Variants in AFAP1 observed in about 807,000 individuals in gnomAD.
AFAP1 encodes actin filament associated protein 1, also known as actin filament-associated protein 1.
AFAP1 carries 75 observed loss-of-function variants against 93.9 expected under a neutral mutation model. That is an observed-to-expected ratio of 0.80 (90% CI 0.66 to 0.97). AFAP1 has a LOEUF of 0.97. Ranked by LOEUF, AFAP1 falls within the 50% of genes least tolerant of loss-of-function variation. AFAP1 has a pLI of 0.00. For missense variants in AFAP1, 1,201 were observed against 1,050.8 expected, an observed-to-expected ratio of 1.14 and a Z score of -1.98; for synonymous variants, 517 against 430.7, an observed-to-expected ratio of 1.20 and a Z score of -2.48.
chr4:7,783,858 T>C (rs1251258048), intron 12 of AFAP1, among the ~76,000 whole-genome samples: 1 of 152,148 alleles, frequency 6.6e-6, no homozygotes, highest in Non-Finnish European at 1.5e-5. Flanking sequence ...AAAAGGCGTG[T>C]GAAAGGGTCT....
chr4:7,795,547 C>T (rs1374261365), intron 10 of AFAP1, among the ~76,000 whole-genome samples: 2 of 149,398 alleles, frequency 1.3e-5, no homozygotes, highest in East Asian at 4.0e-4. Flanking sequence ...GCCTCAGCCT[C>T]CCGAGTAGCT....
intron 8 of AFAP1, among the ~76,000 whole-genome samples, chr4:7,810,663 T>A (rs1048331699): frequency 6.6e-6 from 1 of 152,168 alleles, no homozygotes; most frequent in African/African-American, 2.4e-5. Flanking sequence ...TTTTGAAACA[T>A]AGAACTCATA....
intron 1 of AFAP1, among the ~76,000 whole-genome samples, chr4:7,893,281 G>A (rs542170709): frequency 1.3e-5 from 2 of 152,234 alleles, no homozygotes; most frequent in South Asian, 2.1e-4. Context: ...CACTTTTAAC[G>A]TAAAAAAGCT....
intron 17 of AFAP1, among the ~76,000 whole-genome samples, chr4:7,766,307 C>T (rs963782824): frequency 6.6e-6 from 1 of 152,188 alleles, no homozygotes; most frequent in Non-Finnish European, 1.5e-5. Context: ...GACAGCATCA[C>T]AAGGTCGGCG....
At chr4:7,856,856 A>G (rs1194422165) in intron 3 of AFAP1, among the ~76,000 whole-genome samples, 8 of 152,194 alleles carry the variant, frequency 5.3e-5, no homozygotes, top group Non-Finnish European at 7.3e-5. Flanking sequence ...GCACTGTGCT[A>G]GACACTTCTG....
intron 1 of AFAP1, among the ~76,000 whole-genome samples, chr4:7,875,168 G>C (rs1717414628): frequency 6.6e-6 from 1 of 152,192 alleles, no homozygotes; most frequent in Non-Finnish European, 1.5e-5. Context: ...AAAAGTTTGA[G>C]AGCTGCTCGT....
intron 1 of AFAP1, among the ~76,000 whole-genome samples, chr4:7,928,412 GTCTC>G (rs914085553): frequency 1.3e-5 from 2 of 151,958 alleles, no homozygotes; most frequent in African/African-American, 2.4e-5. Context: ...TTTTGAGACA[GTCTC>G]TCTCTCTGTC....
intron 1 of AFAP1, among the ~76,000 whole-genome samples, chr4:7,916,015 TC>T (rs998717530): frequency 9.9e-6 from 1 of 101,266 alleles, no homozygotes; most frequent in Non-Finnish European, 1.7e-5. Flanking sequence ...CCCGGCCTCC[TC>T]ACTTACGCAA....
intron 13 of AFAP1, among the ~76,000 whole-genome samples, chr4:7,779,725 T>A (rs558514762): frequency 6.6e-6 from 1 of 152,208 alleles, no homozygotes; most frequent in Non-Finnish European, 1.5e-5. Context: ...TGAGCCGCCA[T>A]TTGATCATTT....
chr4:7,855,211 TG>T (rs1252252636), intron 4 of AFAP1, among the ~76,000 whole-genome samples: 1 of 152,224 alleles, frequency 6.6e-6, no homozygotes, highest in African/African-American at 2.4e-5. Context: ...TGCTGATACC[TG>T]TTGCCACAGC....
chr4:7,848,416 C>G (rs1270467446), intron 4 of AFAP1, among the ~76,000 whole-genome samples: 1 of 152,108 alleles, frequency 6.6e-6, no homozygotes, highest in African/African-American at 2.4e-5. Flanking sequence ...TGGTGAAACT[C>G]TCCGTCTGAG....
chr4:7,894,959 G>A (rs954522431), intron 1 of AFAP1, among the ~76,000 whole-genome samples: 2 of 152,326 alleles, frequency 1.3e-5, no homozygotes, highest in East Asian at 1.9e-4. Flanking sequence ...TGGCTCCGCC[G>A]CTATGCATGT....
intron 9 of AFAP1, among the ~76,000 whole-genome samples, chr4:7,806,478 C>A (rs575118485): frequency 3.3e-5 from 5 of 152,186 alleles, no homozygotes; most frequent in African/African-American, 4.8e-5. Context: ...CTCCTGGGAG[C>A]TCTGTCCTAT....
intron 17 of AFAP1, among the ~76,000 whole-genome samples, chr4:7,764,790 G>C (rs1387935696): frequency 6.6e-6 from 1 of 152,050 alleles, no homozygotes; most frequent in Non-Finnish European, 1.5e-5. Flanking sequence ...CTGCAAGGTG[G>C]ACAGTACCCC....
At chr4:7,926,375 T>C (rs746401078) in intron 1 of AFAP1, among the ~76,000 whole-genome samples, 22 of 152,162 alleles carry the variant, frequency 1.4e-4, no homozygotes, top group Non-Finnish European at 2.9e-4. Flanking sequence ...AAGGTACCTA[T>C]GAGTCAAAAT....
chr4:7,781,415 G>C lies in AFAP1; in HGVS notation c.1743C>G (p.Thr581=). Residue 581 remains threonine, a synonymous_variant, in exon 13 of 18, where the codon ACC becomes ACG. Transcript: ENST00000420658. ...YPASAQSVTN[T]SSVGRASLGL... ...CGAGAGACGCCCTCCCCACAGAAGA[G>C]GTATTAGTGACAGACTGAGCGGAGG... 1 of 1,551,978 alleles carries C rather than the reference G, an allele frequency of 6.4e-7. No homozygotes were observed. The highest frequency in any genetic ancestry group is 8.7e-7 in the Non-Finnish European group (1 of 1,147,068).
intron 1 of AFAP1, among the ~76,000 whole-genome samples, chr4:7,924,948 T>C (rs1041285519): frequency 2.0e-5 from 3 of 152,044 alleles, no homozygotes; most frequent in East Asian, 1.9e-4. Flanking sequence ...ACCAATCACA[T>C]AGGACACCCC....
chr4:7,814,834 T>C (rs796502736), intron 8 of AFAP1, among the ~76,000 whole-genome samples: 19 of 152,278 alleles, frequency 1.2e-4, no homozygotes, highest in African/African-American at 4.1e-4. Flanking sequence ...GTGATGGTTC[T>C]GTGCCTGTCA....
At chr4:7,877,961 C>T (rs1335270801) in intron 1 of AFAP1, among the ~76,000 whole-genome samples, 2 of 152,118 alleles carry the variant, frequency 1.3e-5, no homozygotes, top group African/African-American at 2.4e-5. Flanking sequence ...TCTGCTGGTG[C>T]CTGACTACGT....
Sources: gnomAD v4.1 joint callset for allele counts (sites outside exome capture counted in the v4.1 genomes callset) on GRCh38, gnomAD v4.1.1 for gene constraint, MANE v1.5 for transcripts, NCBI Gene and HGNC (gene_info 2026-07-23, HGNC 2026-07-21) for gene names.